Variants in MSH3 observed in about 807,000 individuals in gnomAD.
MSH3 encodes the protein DNA mismatch repair protein Msh3.
MSH3 carries 106 observed loss-of-function variants against 123.3 expected under a neutral mutation model. That is an observed-to-expected ratio of 0.86 (90% confidence interval 0.73 to 1.01). MSH3 has a LOEUF of 1.01. Ranked by LOEUF, MSH3 falls within the 50% of genes least tolerant of loss-of-function variation. The pLI, the probability that MSH3 is intolerant of heterozygous loss-of-function variation, is 0.00. For synonymous variants in MSH3, 515 were observed against 481.4 expected (o/e 1.07, Z -0.91); for missense variants, 1,459 against 1,347.6 (o/e 1.08, Z -1.29).
intron 7 of MSH3, among the ~76,000 whole-genome samples, chr5:80,675,872 G>A (rs1749827604): frequency 6.6e-6 from 1 of 152,122 alleles, no homozygotes; most frequent in South Asian, 2.1e-4. Flanking sequence ...CTAGGGATTT[G>A]AAATTAAACA....
chr5:80,705,267 G>GT (rs1174882244), intron 8 of MSH3, among the ~76,000 whole-genome samples: 3 of 152,100 alleles, frequency 2.0e-5, no homozygotes, highest in Non-Finnish European at 2.9e-5. Context: ...ATTTCCAGTT[G>GT]AGGTTCTAAT....
rs150610469 is a variant in MSH3 at position 80,667,968 on chromosome 5, C to T, written c.580-2129C>T. On this transcript the variant is annotated intron_variant, in intron 3 of 23. Transcript: ENST00000265081. ...CGGTGGGTCCCAGGTTCTTGTCCTGCTTCCAGGAAGAATGAAGTATGTGGA... is the reference window on the plus strand; with the variant it reads ...CGGTGGGTCCCAGGTTCTTGTCCTGTTTCCAGGAAGAATGAAGTATGTGGA... Among the ~76,000 whole-genome samples the T allele has an allele frequency of 1.7e-3, 260 of 152,302 alleles. 3 individuals carry two copies. The highest frequency in any genetic ancestry group is 5.9e-3 in the African/African-American group (247 of 41,562).
intron 8 of MSH3, among the ~76,000 whole-genome samples, chr5:80,688,653 G>C (rs1040310711): frequency 6.6e-6 from 1 of 151,832 alleles, no homozygotes; most frequent in East Asian, 1.9e-4. Flanking sequence ...ATTATCAGAG[G>C]AATTGTTATG....
intron 10 of MSH3, among the ~76,000 whole-genome samples, chr5:80,740,237 T>A (rs576568141): frequency 6.6e-6 from 1 of 152,340 alleles, no homozygotes; most frequent in South Asian, 2.1e-4. Flanking sequence ...AACTTCTAAT[T>A]TTGTTTTGGA....
intron 11 of MSH3, among the ~76,000 whole-genome samples, chr5:80,742,627 T>G (rs1743637510): frequency 6.6e-6 from 1 of 152,204 alleles, no homozygotes; most frequent in Non-Finnish European, 1.5e-5. Flanking sequence ...ATTAACTAGT[T>G]TCTCTCAGTT....
At chr5:80,854,046 T>G (rs1745874708) in intron 20 of MSH3, 84 bp from the exon 21 acceptor site, 1 of 1,101,694 alleles carries the variant, frequency 9.1e-7, no homozygotes, top group African/African-American at 1.6e-5. Flanking sequence ...AGTGATCTTT[T>G]ATATTTATTG....
chr5:80,661,833 A>G (rs1011311033), intron 2 of MSH3, among the ~76,000 whole-genome samples: 1 of 152,142 alleles, frequency 6.6e-6, no homozygotes, highest in Non-Finnish European at 1.5e-5. Flanking sequence ...ATTCCTTTGG[A>G]TCACTTTGGT....
intron 20 of MSH3, among the ~76,000 whole-genome samples, chr5:80,840,426 T>C (rs985104737): frequency 5.9e-5 from 9 of 151,886 alleles, no homozygotes; most frequent in Non-Finnish European, 1.3e-4. Flanking sequence ...CTTCCTTGAA[T>C]ATTCTTTTTT....
chr5:80,661,306 T>G (rs1650684), intron 2 of MSH3, among the ~76,000 whole-genome samples: 18,980 of 152,196 alleles, frequency 0.12, 1,311 homozygotes, highest in Middle Eastern at 0.2. Context: ...TGGTGTTATC[T>G]GTTAAGTCAT....
chr5:80,864,890 G>A lies in MSH3; in HGVS notation c.3078G>A (p.Gly1026=), dbSNP rs1159636129. 2 of 1,613,332 alleles carry A rather than the reference G, an allele frequency of 1.2e-6. No homozygotes were observed. Among genetic ancestry groups the A allele is most frequent in the Non-Finnish European group, 1.7e-6 (2 of 1,179,322 alleles). Residue 1026 remains glycine, a synonymous_variant, in exon 22 of 24, where the codon GGG becomes GGA. Coordinates refer to ENST00000265081, the MANE Select transcript of MSH3 (RefSeq NM_002439.5). ...ELEKNYSHQV[G]NYHMGFLVSE... is the part of the protein sequence containing the mutation. ...AAAAAAATTACTCACACCAGGTGGG[G>A]AATTACCACATGGGATTCTTGGTCA...
chr5:80,844,447 A>G (rs575369592), intron 20 of MSH3, among the ~76,000 whole-genome samples: 1 of 152,222 alleles, frequency 6.6e-6, no homozygotes, highest in South Asian at 2.1e-4. Context: ...CAGGTCCTGG[A>G]TATCCTTGTT....
chr5:80,693,574 T>C (rs1203853506), intron 8 of MSH3, among the ~76,000 whole-genome samples: 2 of 149,524 alleles, frequency 1.3e-5, no homozygotes, highest in East Asian at 2.0e-4. Flanking sequence ...TAAATATATA[T>C]GCACATGTAT....
intron 12 of MSH3, among the ~76,000 whole-genome samples, chr5:80,751,075 A>G (rs1455769471): frequency 6.6e-6 from 1 of 152,166 alleles, no homozygotes; most frequent in Non-Finnish European, 1.5e-5. Context: ...GGGTCTTCAG[A>G]AAGTTCATGT....
intron 12 of MSH3, among the ~76,000 whole-genome samples, chr5:80,758,742 C>A (rs959873592): frequency 2.6e-5 from 4 of 152,162 alleles, no homozygotes; most frequent in African/African-American, 9.6e-5. Context: ...TTAAAAAAAT[C>A]TTCTGGTAGA....
intron 13 of MSH3, among the ~76,000 whole-genome samples, chr5:80,762,840 G>GTTATTTTATT (rs1298690465): frequency 2.3e-5 from 3 of 130,194 alleles, no homozygotes; most frequent in Non-Finnish European, 3.4e-5. Context: ...GTTATTTTAT[G>GTTATTTTATT]TTATTTTATT....
chr5:80,858,140 G>A (rs1745949294), intron 21 of MSH3, among the ~76,000 whole-genome samples: 1 of 152,068 alleles, frequency 6.6e-6, no homozygotes, highest in South Asian at 2.1e-4. Flanking sequence ...GACTCCCTGG[G>A]CTCAAGTGAT....
intron 20 of MSH3, among the ~76,000 whole-genome samples, chr5:80,841,161 T>C (rs766251762): frequency 1.3e-5 from 2 of 152,144 alleles, no homozygotes; most frequent in Non-Finnish European, 2.9e-5. Flanking sequence ...CAGTGTTTGA[T>C]TTTCTGTCCT....
At chr5:80,655,373 C>A (rs1255402806) in intron 1 of MSH3, 5 of 233,816 alleles carry the variant, frequency 2.1e-5, no homozygotes, top group Non-Finnish European at 3.4e-5. Flanking sequence ...GCCCTTAGGT[C>A]TCCAGTTTTT....
chr5:80,762,478 A>T (rs1264101960), intron 13 of MSH3, among the ~76,000 whole-genome samples: 2 of 151,650 alleles, frequency 1.3e-5, no homozygotes, highest in East Asian at 1.9e-4. Flanking sequence ...CACTTGAATT[A>T]CCTTGGCTAA....
Sources: allele counts gnomAD v4.1 joint callset (sites outside exome capture counted in the v4.1 genomes callset), GRCh38; gene constraint gnomAD v4.1.1; transcripts MANE v1.5; gene names NCBI Gene and HGNC (gene_info 2026-07-23, HGNC 2026-07-21).